Variants in MAN1A1 observed in about 807,000 individuals in gnomAD.
MAN1A1 encodes the protein mannosidase alpha class 1A member 1, also known as mannosyl-oligosaccharide 1,2-alpha-mannosidase IA.
MAN1A1 carries 29 observed loss-of-function variants against 70.8 expected under a neutral mutation model. That is an observed-to-expected ratio of 0.41 (90% CI 0.31 to 0.56). The LOEUF is 0.56. MAN1A1 is among the 20% of genes least tolerant of loss of function. The probability of loss-of-function intolerance (pLI) is 0.29; values close to 1 mark genes in which losing one functional copy is unlikely to be tolerated. For synonymous variants in MAN1A1, 349 were observed against 330.1 expected, an observed-to-expected ratio of 1.06 and a Z score of -0.62; for missense variants, 747 against 841.3, an observed-to-expected ratio of 0.89 and a Z score of 1.39.
intron 2 of MAN1A1, among the ~76,000 whole-genome samples, chr6:119,339,410 T>C (rs1403419245): frequency 6.6e-6 from 1 of 152,206 alleles, no homozygotes; most frequent in Non-Finnish European, 1.5e-5. Flanking sequence ...ACTGGTTAAA[T>C]AAAGTATCAT....
intron 9 of MAN1A1, 81 bp downstream of exon 9, chr6:119,193,696 C>G: frequency 1.2e-6 from 1 of 861,864 alleles, no homozygotes; most frequent in Non-Finnish European, 1.9e-6. Context: ...ATGTAGTATA[C>G]CACTTATTCA....
intron 2 of MAN1A1, among the ~76,000 whole-genome samples, chr6:119,332,252 T>C (rs1773337172): frequency 6.6e-6 from 1 of 152,164 alleles, no homozygotes; most frequent in Admixed American, 6.5e-5. Context: ...CATTATTGAT[T>C]TCCTTAATTA....
At chr6:119,185,322 C>G (rs982048847) in intron 11 of MAN1A1, among the ~76,000 whole-genome samples, 1 of 152,162 alleles carries the variant, frequency 6.6e-6, no homozygotes, top group African/African-American at 2.4e-5. Context: ...TAGTGTTGTA[C>G]TGCTGGATTA....
intron 5 of MAN1A1, among the ~76,000 whole-genome samples, chr6:119,282,022 G>C (rs1043467642): frequency 6.6e-6 from 1 of 152,094 alleles, no homozygotes; most frequent in African/African-American, 2.4e-5. Context: ...AGCCAAGATC[G>C]CACCACTGCA....
chr6:119,186,392 G>A (rs1773292497), intron 11 of MAN1A1, among the ~76,000 whole-genome samples: 1 of 152,118 alleles, frequency 6.6e-6, no homozygotes, highest in Non-Finnish European at 1.5e-5. Flanking sequence ...TATCAGGGAG[G>A]TGACATCAGG....
rs922992151 is a variant in MAN1A1, at chr6:119,177,523, G to T, written c.*2296C>A. 3 of 151,986 alleles carry T rather than the reference G, an allele frequency of 2.0e-5. No homozygotes were observed. The highest frequency in any genetic ancestry group is 2.9e-5 in the Non-Finnish European group (2 of 67,910). The allele number at this position is 151,986 out of a possible 1,614,324, so 9.4% of individuals were successfully genotyped here. A position where few individuals can be genotyped will look rare whatever the true frequency, so the allele number is the denominator to read the frequency against. ...TTTAACGGTTCATCTTTCAGTATGTGAATACGTATACAAATTTAACTGCAC... is the reference window on the plus strand; with the variant it reads ...TTTAACGGTTCATCTTTCAGTATGTTAATACGTATACAAATTTAACTGCAC... On this transcript the variant is annotated 3_prime_UTR_variant, in exon 13 of 13. Coordinates refer to ENST00000368468, the MANE Select transcript of MAN1A1 (RefSeq NM_005907.4).
At chr6:119,223,724 A>G (rs1026133680) in intron 6 of MAN1A1, among the ~76,000 whole-genome samples, 55 of 152,194 alleles carry the variant, frequency 3.6e-4, no homozygotes, top group Admixed American at 1.6e-3. Flanking sequence ...TAAAGGTCAG[A>G]GAATGCTTAA....
intron 3 of MAN1A1, among the ~76,000 whole-genome samples, chr6:119,303,120 G>A (rs1023463038): frequency 7.2e-5 from 11 of 152,144 alleles, no homozygotes; most frequent in African/African-American, 2.2e-4. Flanking sequence ...CTAGGCACAA[G>A]TGATTCTCCT....
At chr6:119,301,876 G>A (rs1772400351) in intron 4 of MAN1A1, 112 bp downstream of exon 4, 1 of 613,868 alleles carries the variant, frequency 1.6e-6, no homozygotes, top group African/African-American at 1.8e-5. Context: ...ACTACCTAAA[G>A]TTGCAATATT....
At chr6:119,202,138 A>T (rs1773730169) in intron 7 of MAN1A1, among the ~76,000 whole-genome samples, 1 of 152,168 alleles carries the variant, frequency 6.6e-6, no homozygotes, top group Non-Finnish European at 1.5e-5. Context: ...AATTAAAAAA[A>T]TTTTGACTCT....
At chr6:119,258,269 T>C (rs1202537443) in intron 5 of MAN1A1, among the ~76,000 whole-genome samples, 2 of 152,126 alleles carry the variant, frequency 1.3e-5, no homozygotes, top group African/African-American at 4.8e-5. Flanking sequence ...AAAGAAAAAA[T>C]GATAGCCTCA....
At chr6:119,204,267 G>A (rs988931382) in intron 7 of MAN1A1, among the ~76,000 whole-genome samples, 3 of 152,156 alleles carry the variant, frequency 2.0e-5, no homozygotes, top group African/African-American at 4.8e-5. Context: ...CAACAGGGAC[G>A]ACTCTTTCAA....
chr6:119,185,395 G>T (rs1223142825), intron 11 of MAN1A1, among the ~76,000 whole-genome samples: 1 of 152,054 alleles, frequency 6.6e-6, no homozygotes, highest in Non-Finnish European at 1.5e-5. Flanking sequence ...CAGAAAGCAG[G>T]TTTCTCAAGT....
chr6:119,253,536 G>C (rs745653996), intron 5 of MAN1A1, among the ~76,000 whole-genome samples: 12 of 152,144 alleles, frequency 7.9e-5, no homozygotes, highest in Admixed American at 1.3e-4. Context: ...TTTTTGCAGG[G>C]AAAACATTTC....
chr6:119,269,959 C>T (rs1242821297), intron 5 of MAN1A1, among the ~76,000 whole-genome samples: 1 of 152,146 alleles, frequency 6.6e-6, no homozygotes, highest in Non-Finnish European at 1.5e-5. Context: ...CTGCCCATGG[C>T]TTGAACTTAT....
At chr6:119,338,582 C>T (rs566445149) in intron 2 of MAN1A1, among the ~76,000 whole-genome samples, 1 of 152,296 alleles carries the variant, frequency 6.6e-6, no homozygotes, top group Non-Finnish European at 1.5e-5. Flanking sequence ...ATTAAAATCA[C>T]TTCTGAAATT....
intron 5 of MAN1A1, among the ~76,000 whole-genome samples, chr6:119,288,063 T>A (rs972271921): frequency 6.6e-6 from 1 of 152,022 alleles, no homozygotes; most frequent in Non-Finnish European, 1.5e-5. Flanking sequence ...CATGTTTCTA[T>A]TATTTTTTTG....
At chr6:119,280,178 T>C (rs1349060561) in intron 5 of MAN1A1, among the ~76,000 whole-genome samples, 2 of 152,202 alleles carry the variant, frequency 1.3e-5, no homozygotes, top group African/African-American at 4.8e-5. Context: ...TCAATTATCA[T>C]TTAGTTGTTG....
chr6:119,200,206 T>C (rs1773679917), intron 8 of MAN1A1, among the ~76,000 whole-genome samples: 2 of 152,186 alleles, frequency 1.3e-5, no homozygotes, highest in Non-Finnish European at 2.9e-5. Flanking sequence ...GACTAAGACA[T>C]GTATTATATG....
Sources: allele counts gnomAD v4.1 joint callset (sites outside exome capture counted in the v4.1 genomes callset), GRCh38; gene constraint gnomAD v4.1.1; transcripts MANE v1.5; gene names NCBI Gene and HGNC (gene_info 2026-07-23, HGNC 2026-07-21).